The following B3GALT1 variants were observed in gnomAD, a reference collection of about 807,000 sequenced individuals.
B3GALT1 encodes UDP-Gal:betaGlcNAc beta 1,3-galactosyltransferase, polypeptide 1.
B3GALT1 carries 10 observed loss-of-function variants against 23.2 expected under a neutral mutation model. The observed-to-expected ratio is 0.43, with a 90% CI of 0.27 to 0.73. The LOEUF is 0.73. Ranked by LOEUF, B3GALT1 falls within the 30% of genes least tolerant of loss-of-function variation. The pLI, the probability that B3GALT1 is intolerant of heterozygous loss-of-function variation, is 0.21. For missense variants in B3GALT1, 299 were observed against 405.4 expected, an observed-to-expected ratio of 0.74 and a Z score of 2.25; for synonymous variants, 156 against 141.5, an observed-to-expected ratio of 1.10 and a Z score of -0.73.
chr2:167,402,570 T>A (rs980998329), intron 1 of B3GALT1, among the ~76,000 whole-genome samples: 13 of 152,306 alleles, frequency 8.5e-5, no homozygotes, highest in Non-Finnish European at 1.5e-4. Flanking sequence ...GAAGGTTTTT[T>A]AATTAAATTA....
At chr2:167,755,395 G>C (rs1051112719) in intron 3 of B3GALT1, among the ~76,000 whole-genome samples, 2 of 151,108 alleles carry the variant, frequency 1.3e-5, no homozygotes. Context: ...CTAGTGTTGC[G>C]TCCCAGGGCC....
At chr2:167,834,848 CA>C (rs368641971) in intron 4 of B3GALT1, among the ~76,000 whole-genome samples, 195 of 135,624 alleles carry the variant, frequency 1.4e-3, no homozygotes, top group African/African-American at 3.4e-3. Context: ...AACTCCACCT[CA>C]AAAAAAAAAA....
chr2:167,862,252 C>T (rs533579928), intron 4 of B3GALT1, among the ~76,000 whole-genome samples: 30 of 152,226 alleles, frequency 2.0e-4, no homozygotes, highest in East Asian at 7.7e-4. Flanking sequence ...CAAGAAGAAA[C>T]CAGTGGAATA....
At chr2:167,486,642 C>T (rs1168140848) in intron 1 of B3GALT1, among the ~76,000 whole-genome samples, 1 of 151,888 alleles carries the variant, frequency 6.6e-6, no homozygotes, top group Non-Finnish European at 1.5e-5. Flanking sequence ...CACTTGAAGC[C>T]GGGAGGCGAA....
chr2:167,860,181 T>A (rs1173202474), intron 4 of B3GALT1, among the ~76,000 whole-genome samples: 2 of 152,166 alleles, frequency 1.3e-5, no homozygotes, highest in Non-Finnish European at 2.9e-5. Context: ...TGAGTTTCTG[T>A]TTTTCCCCAC....
intron 3 of B3GALT1, among the ~76,000 whole-genome samples, chr2:167,682,635 T>G (rs758610219): frequency 2.0e-5 from 3 of 152,188 alleles, no homozygotes; most frequent in Non-Finnish European, 4.4e-5. Context: ...TTCTGATGAG[T>G]AGAGGTGGGG....
intron 1 of B3GALT1, among the ~76,000 whole-genome samples, chr2:167,469,480 T>C (rs1699394549): frequency 6.6e-6 from 1 of 152,164 alleles, no homozygotes; most frequent in African/African-American, 2.4e-5. Context: ...ATTAAAATGG[T>C]TTTATTCACT....
intron 2 of B3GALT1, among the ~76,000 whole-genome samples, chr2:167,612,348 T>C (rs1251380687): frequency 6.8e-6 from 1 of 146,232 alleles, no homozygotes; most frequent in Non-Finnish European, 1.5e-5. Flanking sequence ...CAAATGGTTT[T>C]AGCAGATATT....
intron 3 of B3GALT1, among the ~76,000 whole-genome samples, chr2:167,695,296 C>A (rs773064437): frequency 6.6e-6 from 1 of 152,124 alleles, no homozygotes; most frequent in Non-Finnish European, 1.5e-5. Context: ...TATTTCCTGG[C>A]TGTTTCTTAC....
intron 2 of B3GALT1, among the ~76,000 whole-genome samples, chr2:167,557,764 G>C (rs10176700): frequency 0.014 from 2,073 of 152,290 alleles, 13 homozygotes; most frequent in Non-Finnish European, 0.022. Context: ...GTACTTTTCT[G>C]TTCCACGTAA....
At chr2:167,831,482 A>G (rs1476863818) in intron 4 of B3GALT1, among the ~76,000 whole-genome samples, 1 of 152,234 alleles carries the variant, frequency 6.6e-6, no homozygotes, top group Non-Finnish European at 1.5e-5. Context: ...ATGGGCAGGT[A>G]TGTTCTTAAA....
At chr2:167,766,460 G>GT (rs765054084) in intron 3 of B3GALT1, among the ~76,000 whole-genome samples, 1 of 152,152 alleles carries the variant, frequency 6.6e-6, no homozygotes, top group Non-Finnish European at 1.5e-5. Flanking sequence ...CATAAGCTCC[G>GT]TGACGTTCAA....
intron 4 of B3GALT1, among the ~76,000 whole-genome samples, chr2:167,865,577 A>G (rs906526823): frequency 2.6e-5 from 4 of 152,178 alleles, no homozygotes; most frequent in Admixed American, 6.5e-5. Context: ...AGATCACAAG[A>G]TCAGGAGATC....
chr2:167,401,019 G>A (rs1483680998), intron 1 of B3GALT1, among the ~76,000 whole-genome samples: 1 of 152,076 alleles, frequency 6.6e-6, no homozygotes, highest in East Asian at 1.9e-4. Context: ...AATTGAGTAG[G>A]CAGGTCTTAA....
chr2:167,735,179 C>A (rs1189417696), intron 3 of B3GALT1, among the ~76,000 whole-genome samples: 1 of 152,170 alleles, frequency 6.6e-6, no homozygotes, highest in Non-Finnish European at 1.5e-5. Context: ...TCCAAAACCA[C>A]ACAGAGAAAT....
intron 1 of B3GALT1, among the ~76,000 whole-genome samples, chr2:167,485,504 A>G (rs899914618): frequency 2.6e-5 from 4 of 152,164 alleles, no homozygotes; most frequent in African/African-American, 7.2e-5. Flanking sequence ...TTGAGTGTCC[A>G]GGCTACATAT....
chr2:167,679,660 A>G (rs1686493651), intron 3 of B3GALT1, among the ~76,000 whole-genome samples: 1 of 152,246 alleles, frequency 6.6e-6, no homozygotes, highest in African/African-American at 2.4e-5. Flanking sequence ...AGAATCCATC[A>G]GCCTCTAGAT....
chr2:167,352,614 G>A (rs1252199828), intron 1 of B3GALT1, among the ~76,000 whole-genome samples: 8 of 151,284 alleles, frequency 5.3e-5, no homozygotes, highest in African/African-American at 1.7e-4. Context: ...CCAGCTACTC[G>A]GGAGGCTGAG....
rs146802601 is a variant in B3GALT1 at position 167,750,395 on chromosome 2, T to C, written c.-351-68277T>C. Among the ~76,000 whole-genome samples, 438 of 152,274 alleles carry C rather than the reference T, an allele frequency of 2.9e-3. 1 individual carries two copies. Among genetic ancestry groups the C allele is most frequent in the Non-Finnish European group, 4.4e-3 (300 of 68,016 alleles). On this transcript the variant is annotated intron_variant, in intron 3 of 4. Transcript: ENST00000392690. The stretch of plus-strand genomic sequence containing the variant: ...AATCCCCACTGGACAACAATAATTA[T>C]TAACAATTTATCTCAAGCTTGCTCC...
Sources: gnomAD v4.1 joint callset for allele counts (sites outside exome capture counted in the v4.1 genomes callset) on GRCh38, gnomAD v4.1.1 for gene constraint, MANE v1.5 for transcripts, NCBI Gene and HGNC (gene_info 2026-07-23, HGNC 2026-07-21) for gene names.